OTUD7A: variants seen among roughly 807,000 people sequenced by gnomAD.
OTUD7A encodes OTU domain-containing protein 7A.
In OTUD7A, 12 loss-of-function variants were observed where a neutral mutation model predicts 65.7. That is an observed-to-expected ratio of 0.18 (90% CI 0.12 to 0.30). The LOEUF (loss-of-function observed/expected upper bound fraction) is 0.30, where lower values mean the gene tolerates loss of function less well. OTUD7A is among the 10% of genes least tolerant of loss of function. OTUD7A has a pLI of 1.00. For missense variants in OTUD7A, 1,148 were observed against 1,304.8 expected (o/e 0.88, Z 1.85); for synonymous variants, 641 against 586.3 (o/e 1.09, Z -1.35).
intron 1 of OTUD7A, among the ~76,000 whole-genome samples, chr15:31,845,231 C>T (rs1296566030): frequency 1.3e-5 from 2 of 152,284 alleles, no homozygotes; most frequent in South Asian, 2.1e-4. Flanking sequence ...CTGCGCTAGG[C>T]GACATAAACC....
rs114220357 is a variant in OTUD7A at position 31,517,917 on chromosome 15, G to A, written c.893+8432C>T. 6.7e-3 allele frequency among the ~76,000 whole-genome samples: 1,017 copies of A among 152,186 alleles called. 11 individuals are homozygous for A. Among genetic ancestry groups the A allele is most frequent in the African/African-American group, 0.023 (958 of 41,506 alleles). ...TGTCATAGATAAGGAAGCCAGTCTG[G>A]GGCCGGCAGGTCTTGTTAAAGGGCA... is the stretch of plus-strand genomic sequence containing the variant. On this transcript the variant is annotated intron_variant, in intron 8 of 12. Transcript: ENST00000307050.
At position 31,510,893 on chromosome 15, in the gene OTUD7A, CTA is replaced by C. The variant is rs1307263509; in HGVS notation, c.894-7077_894-7076del. Among the ~76,000 whole-genome samples the C allele has an allele frequency of 5.4e-5, 2 of 36,936 alleles. 1 individual carries two copies. The highest frequency in any genetic ancestry group is 8.9e-5 in the Non-Finnish European group (2 of 22,572). 24.2% of individuals were successfully genotyped at this position (36,936 alleles called of 152,430 possible). Reference sequence around the variant, plus strand: ...ATCTATATGTAACATATATGTATATCTATATGTAACATATATGTATATCTATA... The same window carrying C: ...ATCTATATGTAACATATATGTATATCTATGTAACATATATGTATATCTATA... On this transcript the variant is annotated intron_variant, in intron 8 of 12. Transcript: ENST00000307050.
At position 31,634,831 on chromosome 15, in the gene OTUD7A, C is replaced by T. The variant is rs531825817; in HGVS notation, c.151+20265G>A. On this transcript the variant is annotated intron_variant, in intron 3 of 12. Transcript: ENST00000307050. ...GCCCTTTTTTCCTGAAGGTTTCTAT[C>T]GGGCTCTGACTGAAACCTTTAACCA... Among the ~76,000 whole-genome samples, 53 of 152,310 alleles carry T rather than the reference C, an allele frequency of 3.5e-4. No individual in the cohort carries two copies. The East Asian group carries it at 9.6e-3, about 28-fold the overall frequency.
chr15:31,501,335 A>G (rs970607910), intron 10 of OTUD7A, among the ~76,000 whole-genome samples: 1 of 152,186 alleles, frequency 6.6e-6, no homozygotes, highest in Non-Finnish European at 1.5e-5. Flanking sequence ...GGTGGGCCAT[A>G]GTTCATTAAT....
intron 1 of OTUD7A, among the ~76,000 whole-genome samples, chr15:31,683,235 A>C: frequency 6.6e-6 from 1 of 152,346 alleles, no homozygotes; most frequent in East Asian, 1.9e-4. Flanking sequence ...ACAATTTTCC[A>C]AAATAAAAAA....
chr15:31,669,269 G>C (rs749997605), intron 1 of OTUD7A, among the ~76,000 whole-genome samples: 2 of 152,184 alleles, frequency 1.3e-5, no homozygotes, highest in Non-Finnish European at 2.9e-5. Context: ...AGGCCCATCA[G>C]GTGGGGGCAG....
Position 31,791,067 on chromosome 15 carries a change from G to A in OTUD7A, c.-100+79440C>T, listed in dbSNP as rs138529669. ...TTTTGAGACGGAGTCTTGTTCTGTC[G>A]CCAGGCTGGAGTGCAGTGGCTCGAT... On this transcript the variant is annotated intron_variant, in intron 1 of 12. Coordinates refer to ENST00000307050, the MANE Select transcript of OTUD7A (RefSeq NM_001382637.1). 2.9e-4 allele frequency among the ~76,000 whole-genome samples: 44 copies of A among 152,142 alleles called. No homozygotes were observed. In the East Asian group the frequency reaches 5.0e-3, roughly 17 times the overall value.
At chr15:31,663,059 C>CTTTT (rs56747304) in intron 1 of OTUD7A, among the ~76,000 whole-genome samples, 3 of 146,010 alleles carry the variant, frequency 2.1e-5, no homozygotes, top group Non-Finnish European at 3.0e-5. Context: ...TGTGTTAACT[C>CTTTT]TTTTTTTTTT....
chr15:31,741,294 G>A (rs1566997695), intron 1 of OTUD7A, among the ~76,000 whole-genome samples: 1 of 152,114 alleles, frequency 6.6e-6, no homozygotes, highest in African/African-American at 2.4e-5. Flanking sequence ...CAAGGATATA[G>A]AAAAAGTAAG....
intron 3 of OTUD7A, among the ~76,000 whole-genome samples, chr15:31,630,404 C>G (rs370952183): frequency 0.05 from 7,668 of 151,944 alleles, 306 homozygotes; most frequent in African/African-American, 0.13. Flanking sequence ...GAGTGGTTTT[C>G]AGTGAGTTTC....
intron 5 of OTUD7A, among the ~76,000 whole-genome samples, chr15:31,549,135 C>CAAAAAAA (rs568463366): frequency 3.1e-5 from 2 of 65,082 alleles, no homozygotes; most frequent in African/African-American, 4.2e-5. Context: ...GGCCTTGTCT[C>CAAAAAAA]AAAAAAAAAA....
chr15:31,523,131 T>G (rs1381133227), intron 8 of OTUD7A, among the ~76,000 whole-genome samples: 1 of 152,226 alleles, frequency 6.6e-6, no homozygotes, highest in Non-Finnish European at 1.5e-5. Context: ...TTTTGTGTGG[T>G]TCTTCTGGTT....
At chr15:31,839,896 T>C (rs1897143441) in intron 1 of OTUD7A, among the ~76,000 whole-genome samples, 1 of 152,198 alleles carries the variant, frequency 6.6e-6, no homozygotes, top group South Asian at 2.1e-4. Context: ...GGCACTCACT[T>C]AATAGATACA....
intron 10 of OTUD7A, among the ~76,000 whole-genome samples, chr15:31,493,278 T>C (rs2041343377): frequency 6.6e-6 from 1 of 152,174 alleles, no homozygotes; most frequent in Non-Finnish European, 1.5e-5. Context: ...CATGGACTGT[T>C]ACCAAAGAAA....
intron 1 of OTUD7A, among the ~76,000 whole-genome samples, chr15:31,814,836 G>A (rs1054070370): frequency 1.3e-5 from 2 of 152,098 alleles, no homozygotes; most frequent in African/African-American, 2.4e-5. Flanking sequence ...AAAATCATGC[G>A]TAAGTTCTAT....
chr15:31,804,747 C>T (rs753118641), intron 1 of OTUD7A, among the ~76,000 whole-genome samples: 34 of 152,166 alleles, frequency 2.2e-4, no homozygotes, highest in Non-Finnish European at 4.9e-4. Context: ...CATCATCTCA[C>T]CTGGGCTGGA....
intron 1 of OTUD7A, among the ~76,000 whole-genome samples, chr15:31,778,450 T>A (rs1376177700): frequency 6.6e-6 from 1 of 152,076 alleles, no homozygotes; most frequent in Non-Finnish European, 1.5e-5. Context: ...TGGAAAAAAA[T>A]TTCCATTTAC....
rs544341832 is a variant in OTUD7A at position 31,483,779 on chromosome 15, G to A, written c.2317C>T (p.Pro773Ser). ...ACGTGGATGACGCTCTGGCGCGCTG[G>A]CGCCGGGGGGCTGCGGCCAGGCACT... ...GPVPGRSPPA[P>S]ARQSVIHVQA... Residue 773 changes from proline (P) to serine (S), a missense_variant, in exon 13 of 13, where the codon CCA becomes TCA. Around this residue, in one of 6 missense-constraint regions of OTUD7A, gnomAD observed 842 missense variants for 769.5 expected, o/e 1.09. Coordinates refer to ENST00000307050, the MANE Select transcript of OTUD7A (RefSeq NM_001382637.1). 75 of 1,054,430 alleles carry A rather than the reference G, an allele frequency of 7.1e-5. No homozygotes were observed. The South Asian group carries it at 2.5e-3, about 35-fold the overall frequency. 65.3% of individuals were successfully genotyped at this position (1,054,430 alleles called of 1,614,324 possible). A position where few individuals can be genotyped will look rare whatever the true frequency, so the allele number is the denominator to read the frequency against.
chr15:31,564,088 A>G (rs1222893129), intron 4 of OTUD7A, among the ~76,000 whole-genome samples: 2 of 143,102 alleles, frequency 1.4e-5, no homozygotes, highest in African/African-American at 5.1e-5. Context: ...ACAATAATAA[A>G]GACAAAGAAT....
Sources: allele counts gnomAD v4.1 joint callset (sites outside exome capture counted in the v4.1 genomes callset), GRCh38; gene constraint gnomAD v4.1.1; regional missense constraint gnomAD v4.1.1; transcripts MANE v1.5; gene names NCBI Gene and HGNC (gene_info 2026-07-23, HGNC 2026-07-21).